The following DPP10 variants were observed in gnomAD, a reference collection of about 807,000 sequenced individuals.
DPP10 encodes the protein inactive dipeptidyl peptidase 10.
A neutral mutation model predicts 120.9 loss-of-function variants in DPP10; 33 were observed. The observed-to-expected ratio is 0.27, with a 90% CI of 0.21 to 0.37. The LOEUF (loss-of-function observed/expected upper bound fraction) is 0.37. Ranked by LOEUF, DPP10 falls within the 10% of genes least tolerant of loss-of-function variation. DPP10 has a pLI of 1.00. For missense variants in DPP10, 816 were observed against 942.8 expected (o/e 0.87, Z 1.76); for synonymous variants, 337 against 326.1 (o/e 1.03, Z -0.36).
At chr2:114,504,063 A>G (rs1683425524) in intron 1 of DPP10, among the ~76,000 whole-genome samples, 1 of 152,020 alleles carries the variant, frequency 6.6e-6, no homozygotes, top group African/African-American at 2.4e-5. Context: ...AGGCACTACT[A>G]CCTCCCTACT....
chr2:114,622,410 T>C (rs1694167121), intron 1 of DPP10, among the ~76,000 whole-genome samples: 1 of 151,802 alleles, frequency 6.6e-6, no homozygotes, highest in South Asian at 2.1e-4. Flanking sequence ...ATCTATCTTT[T>C]TTTTTTTTTT....
intron 1 of DPP10, among the ~76,000 whole-genome samples, chr2:114,572,204 C>T (rs1689711417): frequency 1.3e-5 from 2 of 151,952 alleles, no homozygotes; most frequent in African/African-American, 4.8e-5. Context: ...AACAATTTAA[C>T]TTTCAAAAGA....
chr2:115,515,118 G>A (rs544931219), intron 4 of DPP10, among the ~76,000 whole-genome samples: 1 of 151,814 alleles, frequency 6.6e-6, no homozygotes. Context: ...GCACCATAAA[G>A]TGTTCTTGTA....
At chr2:114,620,929 T>A (rs943629720) in intron 1 of DPP10, among the ~76,000 whole-genome samples, 5 of 152,072 alleles carry the variant, frequency 3.3e-5, no homozygotes, top group Non-Finnish European at 5.9e-5. Flanking sequence ...ATTGGTAAAA[T>A]AAGAATATTG....
chr2:115,665,875 CT>C (rs1231160247), intron 5 of DPP10, among the ~76,000 whole-genome samples: 2 of 151,610 alleles, frequency 1.3e-5, no homozygotes, highest in South Asian at 2.1e-4. Flanking sequence ...TCCAGCATTT[CT>C]TTTTTTTAAT....
chr2:115,753,947 G>C (rs9308718), intron 11 of DPP10, among the ~76,000 whole-genome samples: 8 of 152,202 alleles, frequency 5.3e-5, no homozygotes, highest in Admixed American at 4.6e-4. Flanking sequence ...TCAAACTTCT[G>C]TTCTGGAAAA....
chr2:115,621,664 C>T, intron 5 of DPP10, among the ~76,000 whole-genome samples: 1 of 151,978 alleles, frequency 6.6e-6, no homozygotes, highest in East Asian at 1.9e-4. Context: ...AAAAAAAATT[C>T]TATGTATTTT....
In DPP10 at chr2:115,325,914, A is replaced by G. The variant is rs551354828; in HGVS notation, c.175+16561A>G. On this transcript the variant is annotated intron_variant, in intron 2 of 25. Transcript: ENST00000410059. ...ACACATAGTCAGAAATAGAATATGT[A>G]TGTTAATAGCTATTTCAGATCATTG... Among the ~76,000 whole-genome samples, 4 of 152,224 alleles carry G rather than the reference A, an allele frequency of 2.6e-5. No homozygotes were observed. The South Asian group carries it at 8.3e-4, about 32-fold the overall frequency.
chr2:115,609,148 AG>A (rs2083909165), intron 5 of DPP10, among the ~76,000 whole-genome samples: 2 of 152,178 alleles, frequency 1.3e-5, no homozygotes. Flanking sequence ...AATCTCAGAA[AG>A]GGTCTTCATA....
At chr2:115,151,194 C>G (rs1189799809) in intron 1 of DPP10, among the ~76,000 whole-genome samples, 2 of 152,032 alleles carry the variant, frequency 1.3e-5, no homozygotes, top group African/African-American at 4.8e-5. Flanking sequence ...ATTTTTTTCT[C>G]TCTAAGATAA....
intron 1 of DPP10, among the ~76,000 whole-genome samples, chr2:114,910,823 A>G (rs549467970): frequency 1.3e-5 from 2 of 152,156 alleles, no homozygotes; most frequent in South Asian, 4.1e-4. Flanking sequence ...AAATTTTGAT[A>G]CATTTTTTTC....
chr2:114,700,894 T>A (rs1027160690), intron 1 of DPP10, among the ~76,000 whole-genome samples: 1 of 152,232 alleles, frequency 6.6e-6, no homozygotes, highest in African/African-American at 2.4e-5. Flanking sequence ...ATTCGTCTTT[T>A]GGTGAGCTGT....
At chr2:115,691,027 G>C (rs1337609341) in intron 7 of DPP10, among the ~76,000 whole-genome samples, 1 of 152,064 alleles carries the variant, frequency 6.6e-6, no homozygotes, top group Non-Finnish European at 1.5e-5. Flanking sequence ...TAATAAGCTA[G>C]AGCAACTTTT....
intron 1 of DPP10, among the ~76,000 whole-genome samples, chr2:115,084,963 A>C (rs910356080): frequency 2.2e-4 from 34 of 152,140 alleles, no homozygotes; most frequent in African/African-American, 8.0e-4. Context: ...CTTGTTCAGA[A>C]AGAGCTGTTT....
At chr2:115,665,591 G>T (rs931918355) in intron 5 of DPP10, among the ~76,000 whole-genome samples, 1 of 152,058 alleles carries the variant, frequency 6.6e-6, no homozygotes, top group African/African-American at 2.4e-5. Flanking sequence ...TGGATTGAGA[G>T]GCTTCTTAAA....
chr2:114,523,170 G>C (rs1332007959), intron 1 of DPP10, among the ~76,000 whole-genome samples: 1 of 152,200 alleles, frequency 6.6e-6, no homozygotes, highest in Admixed American at 6.5e-5. Context: ...CTTGAGTCCA[G>C]CTTCAGTCTG....
chr2:114,651,694 G>A (rs748823441), intron 1 of DPP10, among the ~76,000 whole-genome samples: 1 of 151,944 alleles, frequency 6.6e-6, no homozygotes, highest in Non-Finnish European at 1.5e-5. Context: ...GACAAATCAA[G>A]ATCTCTGAGG....
intron 4 of DPP10, among the ~76,000 whole-genome samples, chr2:115,508,120 G>C (rs1053617892): frequency 6.6e-6 from 1 of 152,074 alleles, no homozygotes; most frequent in African/African-American, 2.4e-5. Context: ...CATGTTTTCT[G>C]TGTATAACAG....
At chr2:115,164,196 T>G (rs2052657488) in intron 1 of DPP10, among the ~76,000 whole-genome samples, 1 of 152,088 alleles carries the variant, frequency 6.6e-6, no homozygotes, top group South Asian at 2.1e-4. Flanking sequence ...AGTGAGGGTG[T>G]TTCAAGCACT....
Sources: allele counts gnomAD v4.1 joint callset (sites outside exome capture counted in the v4.1 genomes callset), GRCh38; gene constraint gnomAD v4.1.1; transcripts MANE v1.5; gene names NCBI Gene and HGNC (gene_info 2026-07-23, HGNC 2026-07-21).